Variants in SLC30A5 observed in about 807,000 individuals in gnomAD.
SLC30A5 encodes solute carrier family 30 member 5.
A neutral mutation model predicts 79.6 loss-of-function variants in SLC30A5; 33 were observed. That is an observed-to-expected ratio of 0.41 (90% CI 0.31 to 0.55). The LOEUF is 0.55. Among genes scored for constraint, SLC30A5 ranks in the 20% least tolerant of loss-of-function variants. The probability of loss-of-function intolerance (pLI) is 0.20; values close to 1 mark genes in which losing one functional copy is unlikely to be tolerated. For synonymous variants in SLC30A5, 299 were observed against 319.7 expected (o/e 0.94, Z 0.69); for missense variants, 788 against 928.1 (o/e 0.85, Z 1.96).
At chr5:69,101,818 G>A (rs1213996496) in intron 2 of SLC30A5, among the ~76,000 whole-genome samples, 6 of 150,636 alleles carry the variant, frequency 4.0e-5, no homozygotes, top group South Asian at 2.1e-4. Flanking sequence ...TTAGCCAAGC[G>A]TGGTGGCATG....
At position 69,117,249 on chromosome 5, in the gene SLC30A5, T is replaced by A. The variant is rs1439269719; in HGVS notation, c.1292T>A (p.Phe431Tyr). The A allele has an allele frequency of 2.5e-6, 4 of 1,611,660 alleles. No homozygotes were observed. In the African/African-American group the frequency reaches 5.3e-5, roughly 22 times the overall value. The change falls in exon 11 of 16, where the codon TTT (phenylalanine) becomes TAT (tyrosine). Residue 431 changes from phenylalanine to tyrosine, a missense_variant. Phe to Tyr is a conservative substitution (Grantham distance 22). Around this residue, in one of 3 missense-constraint regions of SLC30A5, gnomAD observed 626 missense variants for 755.5 expected, o/e 0.83. Transcript: ENST00000396591. Reference sequence around the variant, plus strand: ...TGGTGACATTTTTAGCTTTTTACCTTTGTGGAATTATTCTATGGCGTGCTG... The same window carrying A: ...TGGTGACATTTTTAGCTTTTTACCTATGTGGAATTATTCTATGGCGTGCTG... The part of the protein sequence containing the change: ...YFLCLNLLFT[F>Y]VELFYGVLTN...
rs1338807825 is a variant in SLC30A5, at chr5:69,103,865, A to G, written c.273+737A>G. The G allele has an allele frequency of 1.3e-5, 12 of 951,188 alleles. No homozygotes were observed. The Admixed American group carries it at 3.9e-4, about 31-fold the overall frequency. 58.9% of individuals were successfully genotyped at this position (951,188 alleles called of 1,614,324 possible). On this transcript the variant is annotated intron_variant, in intron 3 of 15. Transcript: ENST00000396591. ...CTGCGTCATAATTTTTTTATTAGAAAGACGAATTTAAGTACTTCTGTTTCA... is the reference window on the plus strand; with the variant it reads ...CTGCGTCATAATTTTTTTATTAGAAGGACGAATTTAAGTACTTCTGTTTCA...
At chr5:69,102,587 T>C (rs892707561) in intron 2 of SLC30A5, 1 of 152,072 alleles carries the variant, frequency 6.6e-6, no homozygotes, top group African/African-American at 2.4e-5. Flanking sequence ...CGGCCAGGTG[T>C]GATAGCTCAT....
chr5:69,108,039 G>A (rs1182767520), intron 4 of SLC30A5, among the ~76,000 whole-genome samples: 1 of 152,116 alleles, frequency 6.6e-6, no homozygotes, highest in Non-Finnish European at 1.5e-5. Flanking sequence ...CACATTGCCT[G>A]TATTTTTTTG....
In SLC30A5 at chr5:69,094,155, C is replaced by A. The variant is rs1372650688; in HGVS notation, c.-101C>A. On this transcript the variant is annotated 5_prime_UTR_variant, in exon 1 of 16. Transcript: ENST00000396591. The stretch of plus-strand genomic sequence containing the variant: ...CTGCAGGAGCCCGACGGGGTCTCTG[C>A]CATGGGGGAGTGACGCGCCTGCACC... 3.4e-6 allele frequency: 2 copies of A among 593,922 alleles called. No individual in the cohort carries two copies. Among genetic ancestry groups the A allele is most frequent in the East Asian group, 6.9e-5 (2 of 28,804 alleles). 36.8% of individuals were successfully genotyped at this position (593,922 alleles called of 1,614,324 possible).
chr5:69,101,966 A>C (rs575491801), intron 2 of SLC30A5, among the ~76,000 whole-genome samples: 2 of 151,292 alleles, frequency 1.3e-5, no homozygotes, highest in East Asian at 2.0e-4. Flanking sequence ...AAAAAAAAAA[A>C]CAAAAACAAC....
At chr5:69,104,554 T>C in intron 3 of SLC30A5, 77 bp from the exon 4 acceptor site, 1 of 1,443,876 alleles carries the variant, frequency 6.9e-7, no homozygotes, top group Non-Finnish European at 9.2e-7. Context: ...ATTATCTTTC[T>C]GTATTTTATT....
In SLC30A5 at chr5:69,121,866, C is replaced by T. The variant is rs540142133; in HGVS notation, c.1742C>T (p.Ala581Val). 1.4e-5 allele frequency: 23 copies of T among 1,613,332 alleles called. No individual in the cohort carries two copies. In the East Asian group the frequency reaches 3.3e-4, roughly 23 times the overall value. ...DHGHGHSHGS[A>V]GGGMNANMRG... The stretch of plus-strand genomic sequence containing the variant: ...GGGCATGGTCACAGCCACGGATCTG[C>T]GGGTGGAGGCATGAATGCTAACATG... Residue 581 changes from alanine (A) to valine (V), a missense_variant, in exon 13 of 16, where the codon GCG becomes GTG. Ala to Val is a moderately conservative substitution (Grantham distance 64). Around this residue, in one of 3 missense-constraint regions of SLC30A5, gnomAD observed 626 missense variants for 755.5 expected, o/e 0.83. Transcript: ENST00000396591.
rs1164872017 is a variant in SLC30A5, at chr5:69,128,154, A to G, written c.2127+22A>G. ...GCAGGTAATCTTTTGTTTTTAAAGT[A>G]ATTTTAATTGAGGTCATTCATACCC... On this transcript the variant is annotated intron_variant, in intron 15 of 15. Transcript: ENST00000396591. The G allele has an allele frequency of 3.1e-6, 5 of 1,591,578 alleles. No homozygotes were observed. In the South Asian group the frequency reaches 5.6e-5, roughly 18 times the overall value.
intron 3 of SLC30A5, among the ~76,000 whole-genome samples, chr5:69,103,626 G>A (rs1410314982): frequency 6.6e-6 from 1 of 152,156 alleles, no homozygotes; most frequent in Non-Finnish European, 1.5e-5. Context: ...GAACTGTGAG[G>A]AAAAATGAAT....
Position 69,100,817 on chromosome 5 carries a change from T to G in SLC30A5, c.94T>G (p.Tyr32Asp). The G allele has an allele frequency of 6.3e-7, 1 of 1,596,276 alleles. No individual in the cohort carries two copies. The highest frequency in any genetic ancestry group is 8.6e-7 in the Non-Finnish European group (1 of 1,167,996). Residue 32 changes from tyrosine (Y) to aspartate (D), a missense_variant, in exon 2 of 16, where the codon TAT becomes GAT. Coordinates refer to ENST00000396591, the MANE Select transcript of SLC30A5 (RefSeq NM_022902.5). ...VDVPSARLTKYIVLLCFTKFL... is the reference protein window; with the variant it reads ...VDVPSARLTKDIVLLCFTKFL... ...GCTTTTATTTTTCAGATTAACAAAATATATTGTGTTACTATGTTTCACTAA... is the reference window on the plus strand; with the variant it reads ...GCTTTTATTTTTCAGATTAACAAAAGATATTGTGTTACTATGTTTCACTAA...
chr5:69,100,640 G>C (rs1251770724), intron 1 of SLC30A5, among the ~76,000 whole-genome samples, 167 bp from the exon 2 acceptor site: 1 of 148,750 alleles, frequency 6.7e-6, no homozygotes, highest in Non-Finnish European at 1.5e-5. Context: ...AAAGTCAACA[G>C]TAGTTATCAC....
chr5:69,105,810 T>A, intron 4 of SLC30A5, among the ~76,000 whole-genome samples: 1 of 152,170 alleles, frequency 6.6e-6, no homozygotes, highest in East Asian at 1.9e-4. Context: ...TCCTGTCAGA[T>A]CAGCAATGGC....
intron 3 of SLC30A5, chr5:69,104,076 G>T (rs780244382): frequency 7.9e-6 from 12 of 1,516,962 alleles, no homozygotes; most frequent in South Asian, 1.3e-5. Flanking sequence ...TGAAGAAAAA[G>T]ATTTCAAAAT....
chr5:69,103,151 T>A, intron 3 of SLC30A5, 23 bp downstream of exon 3: 1 of 1,355,414 alleles, frequency 7.4e-7, no homozygotes, highest in Non-Finnish European at 1.0e-6. Flanking sequence ...CAGAATCTTT[T>A]ATTCCTAGCA....
chr5:69,114,321 T>A, intron 6 of SLC30A5, 99 bp from the exon 7 acceptor site: 1 of 728,102 alleles, frequency 1.4e-6, no homozygotes, highest in Middle Eastern at 2.4e-4. Context: ...CAGATCAGTC[T>A]ATATGCAATC....
At position 69,118,621 on chromosome 5, in the gene SLC30A5, T is replaced by C. The variant is rs778788187; in HGVS notation, c.1562T>C (p.Met521Thr). 1 of 1,580,082 alleles carries C rather than the reference T, an allele frequency of 6.3e-7. No individual in the cohort carries two copies. Among genetic ancestry groups the C allele is most frequent in the Non-Finnish European group, 8.6e-7 (1 of 1,166,958 alleles). ...LIDPPELDTH[M>T]LTPVSVGGLI... ...GATCCTCCAGAATTAGACACTCACA[T>C]GTTAACAGTAAGTCTTTTTATTTTC... Residue 521 changes from methionine to threonine, a missense_variant, in exon 12 of 16, where the codon ATG becomes ACG. Physicochemically the swap from Met to Thr is moderately conservative, Grantham distance 81 (BLOSUM62 -1). Transcript: ENST00000396591.
intron 2 of SLC30A5, among the ~76,000 whole-genome samples, chr5:69,101,807 A>C (rs957066565): frequency 6.6e-6 from 1 of 150,652 alleles, no homozygotes; most frequent in African/African-American, 2.4e-5. Flanking sequence ...AGATACAAAA[A>C]TTAGCCAAGC....
chr5:69,106,813 A>ATTTTTTC (rs1746093173), intron 4 of SLC30A5, among the ~76,000 whole-genome samples: 1 of 150,714 alleles, frequency 6.6e-6, no homozygotes, highest in Non-Finnish European at 1.5e-5. Context: ...GTACAAAAAT[A>ATTTTTTC]TTTTTTCTTT....
Sources: allele counts gnomAD v4.1 joint callset (sites outside exome capture counted in the v4.1 genomes callset), GRCh38; gene constraint gnomAD v4.1.1; regional missense constraint gnomAD v4.1.1; transcripts MANE v1.5; gene names NCBI Gene and HGNC (gene_info 2026-07-23, HGNC 2026-07-21).